ANKRD55: variants seen among roughly 807,000 people sequenced by gnomAD.
ANKRD55 encodes the protein ankyrin repeat domain-containing protein 55.
Under a neutral mutation model 60.6 loss-of-function variants are expected in ANKRD55, and 41 were observed. The observed-to-expected ratio is 0.68, with a 90% CI of 0.53 to 0.88. The LOEUF is 0.88. ANKRD55 is among the 40% of genes least tolerant of loss of function. The pLI is 0.00. For missense variants in ANKRD55, 732 were observed against 767.6 expected (o/e 0.95, Z 0.55); for synonymous variants, 264 against 290.3 (o/e 0.91, Z 0.92).
chr5:56,159,940 C>T (rs371917261), intron 5 of ANKRD55, 47 bp from the exon 6 acceptor site: 52 of 1,550,314 alleles, frequency 3.4e-5, no homozygotes, highest in African/African-American at 1.4e-4. Context: ...CAGGCAGTCA[C>T]GGTGCTCTTG....
At chr5:56,220,887 G>C (rs1759943588) in intron 2 of ANKRD55, among the ~76,000 whole-genome samples, 1 of 152,098 alleles carries the variant, frequency 6.6e-6, no homozygotes, top group Admixed American at 6.6e-5. Context: ...GAGTGGTCAA[G>C]AACAGGAAAA....
intron 2 of ANKRD55, among the ~76,000 whole-genome samples, chr5:56,217,304 T>C (rs1759836338): frequency 6.6e-6 from 1 of 152,236 alleles, no homozygotes; most frequent in South Asian, 2.1e-4. Flanking sequence ...AGCAGTAATA[T>C]TTTGAAATGA....
chr5:56,184,188 T>C (rs915400031), intron 2 of ANKRD55, among the ~76,000 whole-genome samples: 27 of 152,188 alleles, frequency 1.8e-4, no homozygotes, highest in African/African-American at 6.0e-4. Context: ...AGGAGCCTGA[T>C]GGGGAGAAGA....
chr5:56,176,373 T>G, intron 3 of ANKRD55, 91 bp from the exon 4 acceptor site: 1 of 1,494,056 alleles, frequency 6.7e-7, no homozygotes, highest in Non-Finnish European at 9.2e-7. Context: ...ATTTTGCTAT[T>G]TGCAATACAA....
intron 6 of ANKRD55, among the ~76,000 whole-genome samples, chr5:56,154,638 G>A (rs1002915759): frequency 2.1e-5 from 3 of 144,052 alleles, no homozygotes; most frequent in African/African-American, 7.8e-5. Context: ...AGGCTGGAGT[G>A]CAGTCACGCC....
chr5:56,183,604 A>G lies in ANKRD55; in HGVS notation c.89T>C (p.Met30Thr), dbSNP rs1192765657. 6.2e-6 allele frequency: 10 copies of G among 1,614,094 alleles called. No homozygotes were observed. The Admixed American group carries it at 1.5e-4, about 24-fold the overall frequency. ...GDSSEEVDLT[M>T]VYQAASNGDV... ...TCCATTAGAGGCTGCTTGATAAACC[A>G]TGGTCAGGTCAACTTCCTCAGATGA... The change falls in exon 3 of 12, where the codon ATG becomes ACG. Residue 30 changes from methionine (M) to threonine (T), a missense_variant. Physicochemically the swap from Met to Thr is moderately conservative, Grantham distance 81 (BLOSUM62 -1). Around this residue, in one of 3 missense-constraint regions of ANKRD55, gnomAD observed 131 missense variants for 142.7 expected, o/e 0.92. Coordinates refer to ENST00000341048, the MANE Select transcript of ANKRD55 (RefSeq NM_024669.3).
At chr5:56,174,038 G>C (rs533486633) in intron 4 of ANKRD55, among the ~76,000 whole-genome samples, 2 of 152,128 alleles carry the variant, frequency 1.3e-5, no homozygotes, top group Admixed American at 6.5e-5. Flanking sequence ...ACTGCTTCCC[G>C]TGAGCCCCAG....
intron 8 of ANKRD55, among the ~76,000 whole-genome samples, chr5:56,118,018 C>T (rs1756929385): frequency 6.6e-6 from 1 of 152,056 alleles, no homozygotes; most frequent in Admixed American, 6.5e-5. Flanking sequence ...TGGCATGTGC[C>T]TGTAGTCCCA....
chr5:56,168,051 T>A (rs1358459882), intron 5 of ANKRD55, among the ~76,000 whole-genome samples: 1 of 152,230 alleles, frequency 6.6e-6, no homozygotes, highest in Non-Finnish European at 1.5e-5. Context: ...TTTCTTGGAT[T>A]GGAGGCATTG....
intron 2 of ANKRD55, among the ~76,000 whole-genome samples, chr5:56,195,225 G>A (rs1177285769): frequency 6.6e-6 from 1 of 152,098 alleles, no homozygotes; most frequent in Non-Finnish European, 1.5e-5. Context: ...ATTCACAAAT[G>A]TTTCATTCTA....
At chr5:56,187,902 A>G (rs1332779959) in intron 2 of ANKRD55, among the ~76,000 whole-genome samples, 1 of 152,178 alleles carries the variant, frequency 6.6e-6, no homozygotes, top group African/African-American at 2.4e-5. Context: ...CGGAGCTCTA[A>G]GAACAAGGAC....
At chr5:56,145,531 T>C (rs1204400964) in intron 6 of ANKRD55, among the ~76,000 whole-genome samples, 1 of 152,246 alleles carries the variant, frequency 6.6e-6, no homozygotes, top group Non-Finnish European at 1.5e-5. Flanking sequence ...GATTATGATA[T>C]GAGCAAGAAA....
chr5:56,136,235 C>T (rs188004123), intron 7 of ANKRD55, among the ~76,000 whole-genome samples: 1 of 152,306 alleles, frequency 6.6e-6, no homozygotes, highest in East Asian at 1.9e-4. Flanking sequence ...ATACCAGAAA[C>T]TTATCTTGTA....
At chr5:56,126,335 T>C (rs1040390268) in intron 8 of ANKRD55, among the ~76,000 whole-genome samples, 1 of 152,168 alleles carries the variant, frequency 6.6e-6, no homozygotes, top group African/African-American at 2.4e-5. Flanking sequence ...CAGGGCATTA[T>C]AGATGAAAAG....
intron 6 of ANKRD55, among the ~76,000 whole-genome samples, chr5:56,147,250 G>A (rs888583677): frequency 6.6e-6 from 1 of 152,126 alleles, no homozygotes; most frequent in Non-Finnish European, 1.5e-5. Flanking sequence ...CTGAGTCCAT[G>A]GTAGAGCTAG....
chr5:56,184,591 A>G (rs978255479), intron 2 of ANKRD55, among the ~76,000 whole-genome samples: 15 of 152,146 alleles, frequency 9.9e-5, no homozygotes, highest in Non-Finnish European at 2.1e-4. Flanking sequence ...TGAACCAACT[A>G]ATAGCATGGT....
intron 6 of ANKRD55, among the ~76,000 whole-genome samples, chr5:56,156,696 T>G (rs1758202471): frequency 6.6e-6 from 1 of 152,156 alleles, no homozygotes; most frequent in African/African-American, 2.4e-5. Flanking sequence ...ACTCCGCCAC[T>G]CCAGCTCCCT....
At chr5:56,151,585 G>T (rs1177667427) in intron 6 of ANKRD55, among the ~76,000 whole-genome samples, 2 of 152,090 alleles carry the variant, frequency 1.3e-5, no homozygotes, top group Non-Finnish European at 2.9e-5. Flanking sequence ...GGCCGAGGCA[G>T]GTGGATCACT....
chr5:56,168,807 T>G (rs772432374), intron 5 of ANKRD55, among the ~76,000 whole-genome samples: 1 of 152,220 alleles, frequency 6.6e-6, no homozygotes. Context: ...AATTGCCATG[T>G]GGCAGGGAGC....
Sources: gnomAD v4.1 joint callset for allele counts (sites outside exome capture counted in the v4.1 genomes callset) on GRCh38, gnomAD v4.1.1 for gene constraint, gnomAD v4.1.1 regional missense constraint, MANE v1.5 for transcripts, NCBI Gene and HGNC (gene_info 2026-07-23, HGNC 2026-07-21) for gene names.